The following CLK4 variants were observed in gnomAD, a reference collection of about 807,000 sequenced individuals.
CLK4 encodes the protein CDC like kinase 4.
CLK4 carries 37 observed loss-of-function variants against 64.4 expected under a neutral mutation model. The observed-to-expected ratio is 0.57, with a 90% confidence interval of 0.44 to 0.76. CLK4 has a LOEUF of 0.76. Ranked by LOEUF, CLK4 falls within the 30% of genes least tolerant of loss-of-function variation. The probability of loss-of-function intolerance (pLI) is 0.00; values close to 1 mark genes in which losing one functional copy is unlikely to be tolerated. For synonymous variants in CLK4, 175 were observed against 191.6 expected (o/e 0.91, Z 0.72); for missense variants, 457 against 605.1 (o/e 0.76, Z 2.57).
At chr5:178,606,263 T>C (rs1472457) in intron 10 of CLK4, among the ~76,000 whole-genome samples, 31,707 of 152,088 alleles carry the variant, frequency 0.21, 4,761 homozygotes, top group African/African-American at 0.41. Context: ...ATTAGTCAGA[T>C]TGATGAAAGC....
At chr5:178,607,856 A>G (rs1383587809) in intron 10 of CLK4, among the ~76,000 whole-genome samples, 4 of 152,096 alleles carry the variant, frequency 2.6e-5, no homozygotes, top group Non-Finnish European at 4.4e-5. Flanking sequence ...CAAATGCTAC[A>G]CTATACTGCG....
chr5:178,611,995 T>C (rs1220872893), intron 9 of CLK4, among the ~76,000 whole-genome samples: 1 of 152,130 alleles, frequency 6.6e-6, no homozygotes, highest in Non-Finnish European at 1.5e-5. Flanking sequence ...ACAGGAGCTC[T>C]TAGAGAAGCC....
chr5:178,603,816 ATTTAACC>A (rs1764420466), intron 12 of CLK4, 21 bp downstream of exon 12: 1 of 1,589,346 alleles, frequency 6.3e-7, no homozygotes, highest in South Asian at 1.2e-5. Context: ...CACGTGGTTT[ATTTAACC>A]TTTAATCTTT....
At chr5:178,606,231 T>C (rs1166529555) in intron 10 of CLK4, among the ~76,000 whole-genome samples, 2 of 152,128 alleles carry the variant, frequency 1.3e-5, no homozygotes, top group African/African-American at 4.8e-5. Flanking sequence ...AATCACAAAA[T>C]CACCGGAAGC....
chr5:178,622,503 G>T, intron 2 of CLK4: 4 of 861,648 alleles, frequency 4.6e-6, no homozygotes, highest in Non-Finnish European at 5.6e-6. Flanking sequence ...AAACGAAAAA[G>T]GGAAATTAAT....
At chr5:178,613,041 T>C (rs192048829) in intron 7 of CLK4, 151 bp from the exon 8 acceptor site, 5 of 486,176 alleles carry the variant, frequency 1.0e-5, no homozygotes, top group Admixed American at 7.7e-5. Context: ...CATTTGGATA[T>C]ATAGCTTGTA....
intron 2 of CLK4, chr5:178,620,120 C>G (rs1336433437): frequency 3.4e-6 from 1 of 291,200 alleles, no homozygotes; most frequent in African/African-American, 2.2e-5. Context: ...TGGGGAGATA[C>G]AGAAACCCGG....
chr5:178,607,655 C>G (rs1397071688), intron 10 of CLK4, among the ~76,000 whole-genome samples: 1 of 151,728 alleles, frequency 6.6e-6, no homozygotes, highest in Non-Finnish European at 1.5e-5. Context: ...GGACTACAGG[C>G]GCCCGCCACC....
intron 9 of CLK4, among the ~76,000 whole-genome samples, chr5:178,610,644 C>G (rs145052498): frequency 2.3e-4 from 35 of 151,994 alleles, no homozygotes; most frequent in African/African-American, 8.5e-4. Context: ...CTGGTGGGTG[C>G]GGTGGCTCAC....
intron 2 of CLK4, chr5:178,622,792 A>T (rs746308401): frequency 1.8e-5 from 3 of 163,976 alleles, no homozygotes; most frequent in Non-Finnish European, 3.9e-5. Context: ...TAAGTGACTA[A>T]TAATACATGC....
At chr5:178,609,449 G>A (rs900995077) in intron 9 of CLK4, among the ~76,000 whole-genome samples, 6 of 151,834 alleles carry the variant, frequency 4.0e-5, no homozygotes, top group East Asian at 1.9e-4. Flanking sequence ...TTGGGAGGCC[G>A]AGGCGGGTGG....
chr5:178,623,199 G>T, intron 2 of CLK4, 57 bp downstream of exon 2: 1 of 1,480,022 alleles, frequency 6.8e-7, no homozygotes, highest in South Asian at 1.2e-5. Context: ...ATAAGCAAAT[G>T]ACAAATCATT....
chr5:178,621,341 A>G (rs1186343360), intron 2 of CLK4, among the ~76,000 whole-genome samples: 2 of 152,168 alleles, frequency 1.3e-5, no homozygotes, highest in African/African-American at 4.8e-5. Context: ...CAATATATAA[A>G]GGTAGGGTTT....
At chr5:178,614,340 G>A (rs948985408) in intron 5 of CLK4, among the ~76,000 whole-genome samples, 1 of 152,144 alleles carries the variant, frequency 6.6e-6, no homozygotes, top group Non-Finnish European at 1.5e-5. Context: ...AAAGATAGCT[G>A]GGAGTTTGTC....
In CLK4 at chr5:178,623,315, A is replaced by G. The variant is rs934529737; in HGVS notation, c.102T>C (p.His34=). The G allele has an allele frequency of 6.2e-7, 1 of 1,614,018 alleles. No individual in the cohort carries two copies. Among genetic ancestry groups the G allele is most frequent in the East Asian group, 2.2e-5 (1 of 44,862 alleles). The part of the protein sequence containing the change: ...RGSHKRKRRS[H]SSTQENRHCK... ...AATGCCTGTTCTCTTGTGTGCTACTATGAGATCTCCTCTTCCGCTTGTGAC... is the reference window on the plus strand; with the variant it reads ...AATGCCTGTTCTCTTGTGTGCTACTGTGAGATCTCCTCTTCCGCTTGTGAC... The change falls in exon 2 of 13, where the codon CAT becomes CAC. Residue 34 remains histidine, a synonymous_variant. Transcript: ENST00000316308.
At chr5:178,620,960 C>G in intron 2 of CLK4, among the ~76,000 whole-genome samples, 1 of 152,212 alleles carries the variant, frequency 6.6e-6, no homozygotes, top group Admixed American at 6.5e-5. Context: ...TGGCATATTA[C>G]CATCTTAAAT....
rs1029622635 is a variant in CLK4 at position 178,612,742 on chromosome 5, A to G, written c.921+54T>C. ...GAAATTCCTCATCCAAAGATCATCA[A>G]GTTAAATTAATTTTAAAGACAACCA... On this transcript the variant is annotated intron_variant, in intron 8 of 12. Coordinates refer to ENST00000316308, the MANE Select transcript of CLK4 (RefSeq NM_020666.3). 4.5e-5 allele frequency: 52 copies of G among 1,150,020 alleles called. 1 individual carries two copies. Among genetic ancestry groups the G allele is most frequent in the Middle Eastern group, 4.0e-4 (2 of 4,970 alleles). The allele number at this position is 1,150,020 out of a possible 1,614,324, so 71.2% of individuals were successfully genotyped here.
chr5:178,620,061 G>C, intron 2 of CLK4: 1 of 346,530 alleles, frequency 2.9e-6, no homozygotes, highest in South Asian at 2.1e-5. Flanking sequence ...GGCAGAAATA[G>C]AAGCATCTTT....
chr5:178,604,017 A>T, intron 11 of CLK4, 83 bp from the exon 12 acceptor site: 1 of 993,936 alleles, frequency 1.0e-6, no homozygotes, highest in Admixed American at 2.4e-5. Flanking sequence ...GAGACATGGA[A>T]AGCAGCTCTC....
Sources: gnomAD v4.1 joint callset for allele counts (sites outside exome capture counted in the v4.1 genomes callset) on GRCh38, gnomAD v4.1.1 for gene constraint, MANE v1.5 for transcripts, NCBI Gene and HGNC (gene_info 2026-07-23, HGNC 2026-07-21) for gene names.